RBBP5: variants seen among roughly 807,000 people sequenced by gnomAD.
RBBP5 encodes the protein retinoblastoma-binding protein 5.
A neutral mutation model predicts 72.2 loss-of-function variants in RBBP5; 5 were observed. The observed-to-expected ratio is 0.07, with a 90% CI of 0.04 to 0.15. The LOEUF is 0.15. Among genes scored for constraint, RBBP5 ranks in the 10% least tolerant of loss-of-function variants. The probability of loss-of-function intolerance (pLI) is 1.00; values close to 1 mark genes in which losing one functional copy is unlikely to be tolerated. For missense variants in RBBP5, 322 were observed against 652.2 expected, an observed-to-expected ratio of 0.49 and a Z score of 5.51; for synonymous variants, 209 against 237.2, an observed-to-expected ratio of 0.88 and a Z score of 1.09.
chr1:205,121,738 C>G (rs1030126413), intron 1 of RBBP5, 117 bp downstream of exon 1: 27 of 1,510,652 alleles, frequency 1.8e-5, no homozygotes, highest in Non-Finnish European at 2.1e-5. Flanking sequence ...TCAGGTGTGC[C>G]CAGTGATCCA....
chr1:205,098,967 G>T, intron 10 of RBBP5, 22 bp downstream of exon 10: 1 of 1,415,850 alleles, frequency 7.1e-7, no homozygotes, highest in Non-Finnish European at 9.6e-7. Context: ...AGGAAATCCT[G>T]TCTGCAATTT....
chr1:205,119,703 G>A (rs186401529), intron 1 of RBBP5, among the ~76,000 whole-genome samples: 196 of 152,242 alleles, frequency 1.3e-3, no homozygotes, highest in African/African-American at 4.5e-3. Flanking sequence ...CTATGAAGAC[G>A]CCACACCAAT....
chr1:205,094,722 C>T, intron 13 of RBBP5, 151 bp downstream of exon 13: 1 of 860,776 alleles, frequency 1.2e-6, no homozygotes, highest in East Asian at 2.6e-5. Flanking sequence ...GTTTAGCCTG[C>T]CCTTAGCAGC....
At chr1:205,108,552 G>C (rs1008271401) in intron 3 of RBBP5, among the ~76,000 whole-genome samples, 1 of 152,078 alleles carries the variant, frequency 6.6e-6, no homozygotes. Context: ...AAGCAAAATG[G>C]AATTCTAAAA....
intron 5 of RBBP5, among the ~76,000 whole-genome samples, 185 bp from the exon 6 acceptor site, chr1:205,101,894 C>CTT (rs10562809): frequency 1.7e-5 from 2 of 119,738 alleles, no homozygotes; most frequent in African/African-American, 6.0e-5. Flanking sequence ...TTAATCTAGT[C>CTT]TTTTTTTTTT....
At position 205,100,137 on chromosome 1, in the gene RBBP5, G is replaced by C; in HGVS notation, c.752+15C>G. 1 of 1,614,178 alleles carries C rather than the reference G, an allele frequency of 6.2e-7. No homozygotes were observed. The highest frequency in any genetic ancestry group is 8.5e-7 in the Non-Finnish European group (1 of 1,180,038). On this transcript the variant is annotated intron_variant, in intron 7 of 13. Coordinates refer to ENST00000264515, the MANE Select transcript of RBBP5 (RefSeq NM_005057.4). ...TCATGAATGATCACATATTCTTCTA[G>C]GTTGTGATACATACCTATTCACCAA...
In RBBP5 at chr1:205,107,004, T is replaced by G. The variant is rs79783737; in HGVS notation, c.219-1836A>C. ...GCAAACTGGAAGATGGAATAAAAAT[T>G]ACCATAGACATATATATATATGTGT... On this transcript the variant is annotated intron_variant, in intron 3 of 13. Coordinates refer to ENST00000264515, the MANE Select transcript of RBBP5 (RefSeq NM_005057.4). Among the ~76,000 whole-genome samples, 80 of 150,840 alleles carry G rather than the reference T, an allele frequency of 5.3e-4. 2 individuals are homozygous for G. In the East Asian group the frequency reaches 0.012, roughly 23 times the overall value.
At position 205,115,151 on chromosome 1, in the gene RBBP5, T is replaced by C. The variant is rs143385057; in HGVS notation, c.46-190A>G. 1.1e-3 allele frequency among the ~76,000 whole-genome samples: 165 copies of C among 152,312 alleles called. 1 individual carries two copies. Among genetic ancestry groups the C allele is most frequent in the African/African-American group, 3.7e-3 (155 of 41,566 alleles). On this transcript the variant is annotated intron_variant, in intron 2 of 13. Transcript: ENST00000264515. ...AAGGAACATTTATTAAAGCTAACCA[T>C]GGATTCTGGAAACAGATGTGATCAA...
At chr1:205,096,546 G>T in intron 12 of RBBP5, 136 bp downstream of exon 12, 1 of 763,282 alleles carries the variant, frequency 1.3e-6, no homozygotes, top group Non-Finnish European at 2.1e-6. Flanking sequence ...TTATAAAGTT[G>T]TAAAACACTA....
chr1:205,105,877 ACCT>A (rs1275819427), intron 3 of RBBP5, among the ~76,000 whole-genome samples: 1 of 152,196 alleles, frequency 6.6e-6, no homozygotes, highest in Non-Finnish European at 1.5e-5. Flanking sequence ...ACAATAACCA[ACCT>A]ACGCCAGCCA....
In RBBP5 at chr1:205,121,932, G is replaced by A. The variant is rs1656753190; in HGVS notation, c.-59C>T. Reference sequence around the variant, plus strand: ...GGCAACAACACCTTCTCCCCGGCCGGCTTCAGCAACTTGCGTCTAAGTGGT... The same window carrying A: ...GGCAACAACACCTTCTCCCCGGCCGACTTCAGCAACTTGCGTCTAAGTGGT... On this transcript the variant is annotated 5_prime_UTR_variant, in exon 1 of 14. Coordinates refer to ENST00000264515, the MANE Select transcript of RBBP5 (RefSeq NM_005057.4). 5 of 1,604,008 alleles carry A rather than the reference G, an allele frequency of 3.1e-6. No individual in the cohort carries two copies. Among genetic ancestry groups the A allele is most frequent in the East Asian group, 2.2e-5 (1 of 44,832 alleles).
chr1:205,105,269 G>T, intron 3 of RBBP5, 101 bp from the exon 4 acceptor site: 1 of 1,343,940 alleles, frequency 7.4e-7, no homozygotes, highest in Non-Finnish European at 1.0e-6. Context: ...AACTGCACAG[G>T]TCAACAATGT....
rs201425022 is a variant in RBBP5, at chr1:205,104,043, A to G, written c.360-24T>C. The G allele has an allele frequency of 1.4e-3, 2,259 of 1,598,040 alleles. 9 individuals carry two copies. Among genetic ancestry groups the G allele is most frequent in the South Asian group, 4.6e-3 (417 of 90,516 alleles). On this transcript the variant is annotated intron_variant, in intron 4 of 13. Transcript: ENST00000264515. The stretch of plus-strand genomic sequence containing the variant: ...TCCTGTTTAAAAATACGAACAGTAC[A>G]TTGGCTGTTGCTTTGGTATCAGCAA...
At chr1:205,094,457 T>C (rs1655534712) in intron 13 of RBBP5, among the ~76,000 whole-genome samples, 4 of 152,200 alleles carry the variant, frequency 2.6e-5, no homozygotes, top group Non-Finnish European at 5.9e-5. Context: ...CTTGTACTTC[T>C]GGCTACTTGT....
chr1:205,116,352 AG>A (rs1656519786), intron 1 of RBBP5: 1 of 372,938 alleles, frequency 2.7e-6, no homozygotes, highest in African/African-American at 2.1e-5. Flanking sequence ...AAACACTGGT[AG>A]GTAGATATCA....
At chr1:205,120,073 C>T (rs1656677278) in intron 1 of RBBP5, among the ~76,000 whole-genome samples, 1 of 152,168 alleles carries the variant, frequency 6.6e-6, no homozygotes. Context: ...CACCATTTTT[C>T]ACGTCACTCT....
chr1:205,107,496 T>C (rs1656119842), intron 3 of RBBP5, among the ~76,000 whole-genome samples: 1 of 152,068 alleles, frequency 6.6e-6, no homozygotes, highest in African/African-American at 2.4e-5. Context: ...AGAACTGTCA[T>C]TCCAGGAATA....
rs12033568 is a variant in RBBP5, at chr1:205,121,977, G to A, written c.-104C>T. ...AGTGGTGGACGCCGCGAAGAGACTG[G>A]CGCAAGCTCCGAAGACTTTCGGCCT... On this transcript the variant is annotated 5_prime_UTR_variant, in exon 1 of 14. Coordinates refer to ENST00000264515, the MANE Select transcript of RBBP5 (RefSeq NM_005057.4). The A allele has an allele frequency of 1.3e-6, 2 of 1,547,640 alleles. No individual in the cohort carries two copies. The highest frequency in any genetic ancestry group is 1.4e-5 in the African/African-American group (1 of 73,698).
intron 13 of RBBP5, chr1:205,091,867 A>G (rs1325631547): frequency 2.6e-5 from 4 of 152,318 alleles, no homozygotes; most frequent in Non-Finnish European, 4.4e-5. Context: ...TGGCCTCAGA[A>G]GTTTTGCATC....
Sources: gnomAD v4.1 joint callset for allele counts (sites outside exome capture counted in the v4.1 genomes callset) on GRCh38, gnomAD v4.1.1 for gene constraint, MANE v1.5 for transcripts, NCBI Gene and HGNC (gene_info 2026-07-23, HGNC 2026-07-21) for gene names.